Variants in GNPDA2 observed in about 807,000 individuals in gnomAD.
GNPDA2 encodes glucosamine-6-phosphate deaminase 2, also known as glcN6P deaminase 2.
GNPDA2 carries 24 observed loss-of-function variants against 27.0 expected under a neutral mutation model. The observed-to-expected ratio is 0.89, with a 90% confidence interval of 0.64 to 1.25. The LOEUF (loss-of-function observed/expected upper bound fraction) is 1.25, where lower values mean the gene tolerates loss of function less well. Ranked by LOEUF, GNPDA2 falls within the 50% of genes most tolerant of loss-of-function variation. GNPDA2 has a pLI of 0.00. For synonymous variants in GNPDA2, 94 were observed against 108.4 expected (o/e 0.87, Z 0.83); for missense variants, 286 against 335.1 (o/e 0.85, Z 1.14).
At chr4:44,720,581 A>C (rs1717600402) in intron 2 of GNPDA2, among the ~76,000 whole-genome samples, 1 of 152,146 alleles carries the variant, frequency 6.6e-6, no homozygotes, top group African/African-American at 2.4e-5. Flanking sequence ...TAAATATAAA[A>C]TTGAACAGAT....
chr4:44,718,106 A>G (rs1717426530), intron 3 of GNPDA2, among the ~76,000 whole-genome samples: 1 of 151,892 alleles, frequency 6.6e-6, no homozygotes. Context: ...TCCTTCCACT[A>G]TTCTGTGCTA....
At chr4:44,721,387 G>A (rs1185016519) in intron 2 of GNPDA2, among the ~76,000 whole-genome samples, 1 of 152,006 alleles carries the variant, frequency 6.6e-6, no homozygotes, top group African/African-American at 2.4e-5. Flanking sequence ...AAGGCTCAGG[G>A]GTATAGAACA....
chr4:44,703,231 A>C, intron 6 of GNPDA2, 89 bp from the exon 7 acceptor site: 1 of 1,503,114 alleles, frequency 6.7e-7, no homozygotes, highest in South Asian at 1.3e-5. Context: ...TTTATAAGAC[A>C]CAGTAAGCCT....
chr4:44,702,740 C>A lies in GNPDA2; in HGVS notation c.*341G>T. On this transcript the variant is annotated 3_prime_UTR_variant, in exon 7 of 7. Transcript: ENST00000295448. ...TCTTGTCATTAAAAAATGAAATATA[C>A]GCCACTGGAGTCATATCACAAATGG... 9.3e-7 allele frequency: 1 copy of A among 1,070,812 alleles called. No individual in the cohort carries two copies. The highest frequency in any genetic ancestry group is 8.4e-5 in the East Asian group (1 of 11,922). The allele number at this position is 1,070,812 out of a possible 1,614,324, so 66.3% of individuals were successfully genotyped here. A position where few individuals can be genotyped will look rare whatever the true frequency, so the allele number is the denominator to read the frequency against.
intron 1 of GNPDA2, among the ~76,000 whole-genome samples, chr4:44,725,313 C>T (rs967861804): frequency 2.0e-5 from 3 of 152,144 alleles, no homozygotes; most frequent in African/African-American, 7.2e-5. Flanking sequence ...GGGGAGCTGG[C>T]TTTAAAACTA....
At chr4:44,710,137 G>C (rs1404548419) in intron 5 of GNPDA2, among the ~76,000 whole-genome samples, 4 of 152,076 alleles carry the variant, frequency 2.6e-5, no homozygotes, top group Non-Finnish European at 4.4e-5. Context: ...TGAAGTTTCA[G>C]TCCTTGAAAG....
intron 5 of GNPDA2, 30 bp from the exon 6 acceptor site, chr4:44,707,956 A>G: frequency 6.7e-7 from 1 of 1,490,708 alleles, no homozygotes; most frequent in Non-Finnish European, 9.1e-7. Flanking sequence ...AATTGTTAAA[A>G]CTTGTTCCAA....
rs765217713 is a variant in GNPDA2 at position 44,707,942 on chromosome 4, C to T, written c.595-16G>A. The T allele has an allele frequency of 1.3e-6, 2 of 1,536,640 alleles. No homozygotes were observed. Among genetic ancestry groups the T allele is most frequent in the South Asian group, 2.6e-5 (2 of 77,952 alleles). On this transcript the variant is annotated splice_polypyrimidine_tract_variant and intron_variant, in intron 5 of 6. Transcript: ENST00000295448. The stretch of plus-strand genomic sequence containing the variant: ...GGATCATTACCTGAAAAATTATGAA[C>T]ATCAATTGTTAAAACTTGTTCCAAA...
At chr4:44,720,626 T>C (rs73181480) in intron 2 of GNPDA2, among the ~76,000 whole-genome samples, 4,356 of 152,116 alleles carry the variant, frequency 0.029, 199 homozygotes, top group African/African-American at 0.1. Flanking sequence ...GGGAGATAAT[T>C]ACAATGCAGC....
At chr4:44,721,505 T>G (rs1717666380) in intron 2 of GNPDA2, among the ~76,000 whole-genome samples, 1 of 152,176 alleles carries the variant, frequency 6.6e-6, no homozygotes, top group South Asian at 2.1e-4. Flanking sequence ...CCTAGTCGTT[T>G]TTTAAGAGAA....
In GNPDA2 at chr4:44,722,137, A is replaced by G; in HGVS notation, c.71T>C (p.Ile24Thr). ...GTCCTGTCCAGGTTTGAACTGAATG[A>G]TGCGATTACAGATGTATTTGGCTGC... ...EWAAKYICNR[I>T]IQFKPGQDRY... The change falls in exon 2 of 7, where the codon ATC becomes ACC. Residue 24 changes from isoleucine to threonine, a missense_variant. Transcript: ENST00000295448. 6.2e-7 allele frequency: 1 copy of G among 1,613,508 alleles called. No homozygotes were observed. The highest frequency in any genetic ancestry group is 2.2e-5 in the East Asian group (1 of 44,852).
rs746604827 is a variant in GNPDA2, at chr4:44,722,255, C to T, written c.-35-13G>A. On this transcript the variant is annotated splice_polypyrimidine_tract_variant and intron_variant, in intron 1 of 6. Coordinates refer to ENST00000295448, the MANE Select transcript of GNPDA2 (RefSeq NM_138335.3). The stretch of plus-strand genomic sequence containing the variant: ...AACAAGTTCAAACCTGAGAAAAGTC[C>T]ATTGTAGAACACTTTACATAATAAA... 6.3e-7 allele frequency: 1 copy of T among 1,590,292 alleles called. No homozygotes were observed. The highest frequency in any genetic ancestry group is 8.6e-7 in the Non-Finnish European group (1 of 1,167,166).
chr4:44,703,937 A>C, intron 6 of GNPDA2: 5 of 985,014 alleles, frequency 5.1e-6, no homozygotes, highest in Non-Finnish European at 6.0e-6. Context: ...GAAATGAGTT[A>C]AGTTTTCCAG....
intron 6 of GNPDA2, chr4:44,703,520 A>C: frequency 1.0e-6 from 1 of 997,604 alleles, no homozygotes; most frequent in Non-Finnish European, 1.2e-6. Flanking sequence ...CCTCTACTAG[A>C]CTCCAGCCAG....
intron 4 of GNPDA2, among the ~76,000 whole-genome samples, chr4:44,715,499 G>C (rs1717229822): frequency 6.6e-6 from 1 of 152,074 alleles, no homozygotes; most frequent in East Asian, 1.9e-4. Flanking sequence ...GATATAAGCA[G>C]TTGAAGTATG....
chr4:44,711,558 A>C (rs745490036), intron 4 of GNPDA2, among the ~76,000 whole-genome samples: 2 of 152,128 alleles, frequency 1.3e-5, no homozygotes, highest in African/African-American at 2.4e-5. Flanking sequence ...TCAATGTCAC[A>C]ACTGGGTAAA....
Position 44,718,400 on chromosome 4 carries a change from A to G in GNPDA2, c.135T>C (p.Pro45=). The change falls in exon 3 of 7, where the codon CCT becomes CCC. Residue 45 remains proline, a synonymous_variant. Transcript: ENST00000295448. ...FTLGLPTGST[P]LGCYKKLIEY... ...CTATTAGTTTTTTATAGCATCCTAA[A>G]GGTGTACTCCCTAAAAGACATAAAA... is the stretch of plus-strand genomic sequence containing the variant. 7.9e-7 allele frequency: 1 copy of G among 1,272,248 alleles called. No homozygotes were observed. The highest frequency in any genetic ancestry group is 1.1e-6 in the Non-Finnish European group (1 of 918,246). The allele number at this position is 1,272,248 out of a possible 1,614,324, so 78.8% of individuals were successfully genotyped here.
chr4:44,714,958 C>G (rs1016346609), intron 4 of GNPDA2, among the ~76,000 whole-genome samples: 1 of 152,018 alleles, frequency 6.6e-6, no homozygotes, highest in Non-Finnish European at 1.5e-5. Context: ...CGGGGAGGAG[C>G]GGGGAAACAA....
rs1718036851 is a variant in GNPDA2 at position 44,726,480 on chromosome 4, A to C, written c.-42T>G. 1 of 152,292 alleles carries C rather than the reference A, an allele frequency of 6.6e-6. No individual in the cohort carries two copies. Among genetic ancestry groups the C allele is most frequent in the Admixed American group, 6.5e-5 (1 of 15,278 alleles). 9.4% of individuals were successfully genotyped at this position (152,292 alleles called of 1,614,324 possible). A position where few individuals can be genotyped will look rare whatever the true frequency, so the allele number is the denominator to read the frequency against. Reference sequence around the variant, plus strand: ...CACCCCCCGCTAAACTTACCGGCAGACCCAATGGTTCTTCGATGCTGGAAC... The same window carrying C: ...CACCCCCCGCTAAACTTACCGGCAGCCCCAATGGTTCTTCGATGCTGGAAC... On this transcript the variant is annotated 5_prime_UTR_variant, in exon 1 of 7. Transcript: ENST00000295448.
Sources: allele counts gnomAD v4.1 joint callset (sites outside exome capture counted in the v4.1 genomes callset), GRCh38; gene constraint gnomAD v4.1.1; transcripts MANE v1.5; gene names NCBI Gene and HGNC (gene_info 2026-07-23, HGNC 2026-07-21).